ABLIM2: variants seen among roughly 807,000 people sequenced by gnomAD.
ABLIM2 encodes the protein actin binding LIM protein family member 2, also known as actin-binding LIM protein 2.
A neutral mutation model predicts 97.7 loss-of-function variants in ABLIM2; 53 were observed. The ratio of observed to expected loss-of-function variants is 0.54; its 90% confidence interval spans 0.44 to 0.68. The LOEUF (loss-of-function observed/expected upper bound fraction) is 0.68, where lower values mean the gene tolerates loss of function less well. Among genes scored for constraint, ABLIM2 ranks in the 30% least tolerant of loss-of-function variants. The pLI, the probability that ABLIM2 is intolerant of heterozygous loss-of-function variation, is 0.00. For synonymous variants in ABLIM2, 361 were observed against 345.8 expected (o/e 1.04, Z -0.49); for missense variants, 835 against 867.2 (o/e 0.96, Z 0.47).
chr4:8,093,010 G>A (rs1829676844), intron 3 of ABLIM2, among the ~76,000 whole-genome samples: 2 of 151,960 alleles, frequency 1.3e-5, no homozygotes, highest in South Asian at 4.2e-4. Context: ...CACCACGCCT[G>A]GCTCATTTTT....
At chr4:8,042,007 C>T (rs948956837) in intron 9 of ABLIM2, among the ~76,000 whole-genome samples, 9 of 152,228 alleles carry the variant, frequency 5.9e-5, no homozygotes, top group African/African-American at 1.2e-4. Context: ...ACAGCTACCA[C>T]GAATGAGCGC....
rs1042828382 is a variant in ABLIM2, at chr4:8,001,786, G to T, written c.1618+6273C>A. Among the ~76,000 whole-genome samples the T allele has an allele frequency of 6.6e-6, 1 of 152,088 alleles. No individual in the cohort carries two copies. The highest frequency in any genetic ancestry group is 2.4e-5 in the African/African-American group (1 of 41,422). On this transcript the variant is annotated intron_variant, in intron 16 of 20. Coordinates refer to ENST00000447017, the MANE Select transcript of ABLIM2 (RefSeq NM_001130083.2). The surrounding 1 kb of genome is among the most constrained non-coding windows in gnomAD (Gnocchi z 4.2). ...TTCTGCAGGATCAGCCCTGCTGGCT[G>T]CCCCCTTCCCCACTTCCCTGGCCCA...
At chr4:8,098,120 A>C (rs1178677844) in intron 2 of ABLIM2, among the ~76,000 whole-genome samples, 1 of 152,136 alleles carries the variant, frequency 6.6e-6, no homozygotes, top group Non-Finnish European at 1.5e-5. Flanking sequence ...TGCCCAGGCC[A>C]TGCATGGTTT....
chr4:8,153,168 G>A (rs897927616), intron 1 of ABLIM2, among the ~76,000 whole-genome samples: 10 of 152,118 alleles, frequency 6.6e-5, no homozygotes, highest in Non-Finnish European at 1.2e-4. Context: ...ATTTCCTCTC[G>A]AGCTCAGAGG....
rs1824533277 is a variant in ABLIM2, at chr4:8,087,591, T to A, written c.454+578A>T. ...ATTAACAGAGGGGAGCTGAGGGGAG[T>A]GAATGCCAGAGGGAGAGGACCTGAA... On this transcript the variant is annotated intron_variant, in intron 4 of 20. Coordinates refer to ENST00000447017, the MANE Select transcript of ABLIM2 (RefSeq NM_001130083.2). This position sits in a 1 kb window ranked among gnomAD's most constrained non-coding sequence, Gnocchi z 4.6. Among the ~76,000 whole-genome samples, 1 of 151,218 alleles carries A rather than the reference T, an allele frequency of 6.6e-6. No homozygotes were observed. Among genetic ancestry groups the A allele is most frequent in the Non-Finnish European group, 1.5e-5 (1 of 67,854 alleles).
rs531358817 is a variant in ABLIM2 at position 8,044,641 on chromosome 4, G to GACACACACACACAC, written c.900+509_900+522dup. 8.0e-5 allele frequency among the ~76,000 whole-genome samples: 10 copies of GACACACACACACAC among 124,238 alleles called. No individual in the cohort carries two copies. Among genetic ancestry groups the GACACACACACACAC allele is most frequent in the African/African-American group, 2.7e-4 (10 of 37,338 alleles). 81.5% of individuals were successfully genotyped at this position (124,238 alleles called of 152,430 possible). A position where few individuals can be genotyped will look rare whatever the true frequency, so the allele number is the denominator to read the frequency against. ...ATTATGGAAGCGTGTGAGGCGCACAGACACACACACACACACACACACACA... is the reference window on the plus strand; with the variant it reads ...ATTATGGAAGCGTGTGAGGCGCACAGACACACACACACACACACACACACACACACACACACACA... On this transcript the variant is annotated intron_variant, in intron 9 of 20. Coordinates refer to ENST00000447017, the MANE Select transcript of ABLIM2 (RefSeq NM_001130083.2). This position sits in a 1 kb window ranked among gnomAD's most constrained non-coding sequence, Gnocchi z 4.4.
At chr4:7,997,565 T>C (rs1754149167) in intron 16 of ABLIM2, among the ~76,000 whole-genome samples, 1 of 152,218 alleles carries the variant, frequency 6.6e-6, no homozygotes, top group Non-Finnish European at 1.5e-5. Flanking sequence ...TTTTTAATTT[T>C]GGTTATTTTT....
chr4:8,095,375 A>T lies in ABLIM2; in HGVS notation c.338+1724T>A, dbSNP rs953780622. Reference sequence around the variant, plus strand: ...CACCTCGGCCTCCCAAAGTGGAGGGATTATAGGCATGAGCTGCTGTGCCCA... The same window carrying T: ...CACCTCGGCCTCCCAAAGTGGAGGGTTTATAGGCATGAGCTGCTGTGCCCA... On this transcript the variant is annotated intron_variant, in intron 3 of 20. Coordinates refer to ENST00000447017, the MANE Select transcript of ABLIM2 (RefSeq NM_001130083.2). This position sits in a 1 kb window ranked among gnomAD's most constrained non-coding sequence, Gnocchi z 4.7. 6.6e-6 allele frequency among the ~76,000 whole-genome samples: 1 copy of T among 152,048 alleles called. No homozygotes were observed. The highest frequency in any genetic ancestry group is 1.5e-5 in the Non-Finnish European group (1 of 68,006).
At chr4:8,070,839 C>T (rs904285345) in intron 6 of ABLIM2, among the ~76,000 whole-genome samples, 3 of 152,086 alleles carry the variant, frequency 2.0e-5, no homozygotes, top group Admixed American at 1.3e-4. Flanking sequence ...GGAATTGATT[C>T]GCAGAACCAG....
rs930269484 is a variant in ABLIM2, at chr4:8,061,023, G to A, written c.707C>T (p.Ala236Val). 1.1e-5 allele frequency: 17 copies of A among 1,598,286 alleles called. No individual in the cohort carries two copies. Among genetic ancestry groups the A allele is most frequent in the Admixed American group, 1.7e-5 (1 of 57,600 alleles). ...CATCTGGCCGCACCTGACACATAGC[G>A]CGCAGGAAGGGTGGTAGTGCTTCTC... ...AGEKHYHPSC[A>V]LCVRCGQMFA... The change falls in exon 7 of 21, where the codon GCG becomes GTG. Residue 236 changes from alanine to valine, a missense_variant. Ala to Val is a moderately conservative substitution (Grantham distance 64). Coordinates refer to ENST00000447017, the MANE Select transcript of ABLIM2 (RefSeq NM_001130083.2). The surrounding 1 kb of genome is among the most constrained non-coding windows in gnomAD (Gnocchi z 4.5).
At position 8,019,640 on chromosome 4, in the gene ABLIM2, T is replaced by C; in HGVS notation, c.1401A>G (p.Lys467=). ...DTGVKDNIYR[K]PPIYRQHAAR... is the part of the protein sequence containing the mutation. ...TACCATGCTGTCTGTAGATAGGGGG[T>C]TTCCTATAGATGTTATCTTTTACGC... is the stretch of plus-strand genomic sequence containing the variant. The change falls in exon 14 of 21, where the codon AAA becomes AAG. Residue 467 remains lysine (K), a synonymous_variant. Transcript: ENST00000447017. This position sits in a 1 kb window ranked among gnomAD's most constrained non-coding sequence, Gnocchi z 4.3. 6.2e-7 allele frequency: 1 copy of C among 1,610,884 alleles called. No individual in the cohort carries two copies.
Position 8,105,705 on chromosome 4 carries a change from G to T in ABLIM2, c.154+789C>A, listed in dbSNP as rs539570170. ...GGCACGGGGCCGCACACCGCAGCAG[G>T]GATTTGCAGTGTCCTTAATGTGATT... On this transcript the variant is annotated intron_variant, in intron 2 of 20. Transcript: ENST00000447017. 9.2e-5 allele frequency among the ~76,000 whole-genome samples: 14 copies of T among 152,324 alleles called. No homozygotes were observed. In the East Asian group the frequency reaches 2.1e-3, roughly 23 times the overall value.
rs900550538 is a variant in ABLIM2, at chr4:8,148,166, G to A, written c.10+10514C>T. 5.3e-5 allele frequency among the ~76,000 whole-genome samples: 8 copies of A among 152,250 alleles called. No individual in the cohort carries two copies. The highest frequency in any genetic ancestry group is 6.5e-5 in the Admixed American group (1 of 15,288). On this transcript the variant is annotated intron_variant, in intron 1 of 20. Transcript: ENST00000447017. The surrounding 1 kb of genome is among the most constrained non-coding windows in gnomAD (Gnocchi z 6.7). ...GGGTTTGGAGTGGCAGGAGGCAGGG[G>A]CAGAGGGAGAAAAGGAAGACGTGGC...
intron 6 of ABLIM2, among the ~76,000 whole-genome samples, chr4:8,065,937 G>A (rs1313702144): frequency 3.9e-5 from 5 of 129,768 alleles, no homozygotes; most frequent in African/African-American, 1.4e-4. Context: ...GGAAAGGAAG[G>A]AAAGAAGGGA....
rs535815523 is a variant in ABLIM2 at position 8,046,989 on chromosome 4, C to A, written c.823-1748G>T. Among the ~76,000 whole-genome samples, 4 of 152,188 alleles carry A rather than the reference C, an allele frequency of 2.6e-5. No individual in the cohort carries two copies. Among genetic ancestry groups the A allele is most frequent in the African/African-American group, 9.7e-5 (4 of 41,434 alleles). On this transcript the variant is annotated intron_variant, in intron 8 of 20. Transcript: ENST00000447017. The surrounding 1 kb of genome is among the most constrained non-coding windows in gnomAD (Gnocchi z 4.4). ...TTTCTGCTGTGCAGGCCACCCAGGCCGGGTGCCTTTATCGGGGAAGCCCCA... is the reference window on the plus strand; with the variant it reads ...TTTCTGCTGTGCAGGCCACCCAGGCAGGGTGCCTTTATCGGGGAAGCCCCA...
rs116097280 is a variant in ABLIM2 at position 7,998,090 on chromosome 4, G to A, written c.1619-5163C>T. 3.8e-3 allele frequency among the ~76,000 whole-genome samples: 576 copies of A among 151,876 alleles called. 3 individuals carry two copies. Among genetic ancestry groups the A allele is most frequent in the African/African-American group, 0.013 (541 of 41,404 alleles). ...GAGACGGGGTTTCTCCATGTTGATC[G>A]GGCTCGTCTTCAACTCCTGATCTCA... On this transcript the variant is annotated intron_variant, in intron 16 of 20. Transcript: ENST00000447017. This position sits in a 1 kb window ranked among gnomAD's most constrained non-coding sequence, Gnocchi z 6.4.
intron 1 of ABLIM2, among the ~76,000 whole-genome samples, chr4:8,146,939 C>T (rs927775180): frequency 2.1e-4 from 32 of 152,188 alleles, no homozygotes; most frequent in Non-Finnish European, 4.1e-4. Context: ...CCCTGAGGCC[C>T]TAGAAGTTTG....
intron 4 of ABLIM2, among the ~76,000 whole-genome samples, chr4:8,081,304 C>T (rs111724165): frequency 5.3e-5 from 8 of 152,232 alleles, no homozygotes; most frequent in Admixed American, 2.0e-4. Context: ...CTCTCCACCC[C>T]GTGGCCACCA....
At chr4:8,145,200 TC>T (rs1851595896) in intron 1 of ABLIM2, among the ~76,000 whole-genome samples, 1 of 151,002 alleles carries the variant, frequency 6.6e-6, no homozygotes, top group Non-Finnish European at 1.5e-5. Context: ...TTTTTTTTTT[TC>T]CAGACAGAGT....
Sources: allele counts gnomAD v4.1 joint callset (sites outside exome capture counted in the v4.1 genomes callset), GRCh38; gene constraint gnomAD v4.1.1; non-coding constraint Gnocchi (gnomAD v3.1); transcripts MANE v1.5; gene names NCBI Gene and HGNC (gene_info 2026-07-23, HGNC 2026-07-21).